Variants in PARP14 observed in about 807,000 individuals in gnomAD.
The protein encoded by PARP14 is poly(ADP-ribose) polymerase family member 14, also known as protein mono-ADP-ribosyltransferase PARP14.
PARP14 carries 59 observed loss-of-function variants against 154.2 expected under a neutral mutation model. That is an observed-to-expected ratio of 0.38 (90% CI 0.31 to 0.48). The LOEUF is 0.48. PARP14 is among the 20% of genes least tolerant of loss of function. The pLI, the probability that PARP14 is intolerant of heterozygous loss-of-function variation, is 0.98. For missense variants in PARP14, 1,734 were observed against 2,131.6 expected, an observed-to-expected ratio of 0.81 and a Z score of 3.67; for synonymous variants, 720 against 780.5, an observed-to-expected ratio of 0.92 and a Z score of 1.29.
chr3:122,713,182 A>G (rs1263115200), intron 9 of PARP14, among the ~76,000 whole-genome samples: 1 of 152,216 alleles, frequency 6.6e-6, no homozygotes, highest in Non-Finnish European at 1.5e-5. Context: ...GAGATAGGCT[A>G]TAGTACGCTA....
intron 15 of PARP14, chr3:122,720,836 G>C (rs1933149098): frequency 2.2e-6 from 1 of 456,822 alleles, no homozygotes; most frequent in Non-Finnish European, 4.4e-6. Flanking sequence ...AGGTGAATGT[G>C]ATGATTCGTG....
chr3:122,706,222 A>G (rs1318999657), intron 8 of PARP14, among the ~76,000 whole-genome samples: 1 of 152,174 alleles, frequency 6.6e-6, no homozygotes, highest in Non-Finnish European at 1.5e-5. Flanking sequence ...GTCTATACAG[A>G]TGCCTTTAGT....
chr3:122,695,300 G>A (rs1938736805), intron 4 of PARP14, 126 bp from the exon 5 acceptor site: 1 of 602,214 alleles, frequency 1.7e-6, no homozygotes, highest in Non-Finnish European at 2.9e-6. Context: ...TTAAAATCTT[G>A]TGTCTAAAAA....
intron 10 of PARP14, 111 bp from the exon 11 acceptor site, chr3:122,713,761 A>G (rs1465372923): frequency 1.1e-6 from 1 of 905,152 alleles, no homozygotes; most frequent in Non-Finnish European, 1.8e-6. Context: ...GCAATACCCA[A>G]TTAGAGGATT....
chr3:122,714,792 T>G (rs1290607672), intron 12 of PARP14, among the ~76,000 whole-genome samples: 1 of 152,174 alleles, frequency 6.6e-6, no homozygotes, highest in Non-Finnish European at 1.5e-5. Context: ...CATTATGCAG[T>G]CCTTAGCTTC....
intron 12 of PARP14, among the ~76,000 whole-genome samples, chr3:122,715,255 T>C (rs1932959891): frequency 6.6e-6 from 1 of 152,210 alleles, no homozygotes; most frequent in African/African-American, 2.4e-5. Flanking sequence ...TCAACGGAGC[T>C]GCCTTGTTCC....
At chr3:122,703,473 T>C (rs1263508402) in intron 6 of PARP14, among the ~76,000 whole-genome samples, 1 of 152,238 alleles carries the variant, frequency 6.6e-6, no homozygotes, top group Non-Finnish European at 1.5e-5. Flanking sequence ...GCCCATGGTA[T>C]CTTCACTAGT....
At chr3:122,721,105 C>T in intron 15 of PARP14, 2 of 336,576 alleles carry the variant, frequency 5.9e-6, no homozygotes, top group South Asian at 4.6e-5. Flanking sequence ...GTTTCTCTTC[C>T]AAACCCCTAA....
Position 122,700,762 on chromosome 3 carries a change from T to C in PARP14, c.2208T>C (p.Asp736=), listed in dbSNP as rs897994767. Residue 736 remains aspartate, a synonymous_variant, in exon 6 of 17, where the codon GAT becomes GAC. Transcript: ENST00000474629. ...KAVDIVKQVW[D]SVCVKSVHTD... is the part of the protein sequence containing the mutation. ...TGGACATTGTCAAGCAAGTCTGGGA[T>C]TCAGTCTGTGTTAAAAGTGTCCATA... The C allele has an allele frequency of 2.5e-6, 4 of 1,613,590 alleles. No individual in the cohort carries two copies. In the South Asian group the frequency reaches 4.4e-5, roughly 18 times the overall value.
intron 4 of PARP14, among the ~76,000 whole-genome samples, chr3:122,693,972 A>G (rs1406968561): frequency 6.6e-6 from 1 of 152,226 alleles, no homozygotes; most frequent in East Asian, 1.9e-4. Context: ...CAAAGGAAAA[A>G]CTAAATGGAC....
intron 12 of PARP14, among the ~76,000 whole-genome samples, chr3:122,716,155 GCCT>G: frequency 6.6e-6 from 1 of 152,156 alleles, no homozygotes; most frequent in East Asian, 1.9e-4. Flanking sequence ...AGTTAAAGGA[GCCT>G]CCTCTCTGTT....
At position 122,727,996 on chromosome 3, in the gene PARP14, C is replaced by T. The variant is rs200554526; in HGVS notation, c.5116+10C>T. ...TATGCCGGAAAGAATGGTAAGGAAG[C>T]GAGTAATCTGGCTGCTTGGAATGAG... On this transcript the variant is annotated intron_variant, in intron 16 of 16. Coordinates refer to ENST00000474629, the MANE Select transcript of PARP14 (RefSeq NM_017554.3). 4.5e-4 allele frequency: 724 copies of T among 1,602,616 alleles called. 2 individuals carry two copies. Among genetic ancestry groups the T allele is most frequent in the Middle Eastern group, 1.0e-3 (6 of 6,002 alleles).
intron 15 of PARP14, chr3:122,721,131 C>T (rs991576496): frequency 7.0e-5 from 23 of 328,152 alleles, no homozygotes; most frequent in East Asian, 1.8e-4. Context: ...GCTTTATTCA[C>T]GCCATTTATG....
chr3:122,694,973 G>A (rs1938725387), intron 4 of PARP14, among the ~76,000 whole-genome samples: 1 of 152,174 alleles, frequency 6.6e-6, no homozygotes. Context: ...ACTAGTTTTT[G>A]TGGCAACACG....
intron 15 of PARP14, among the ~76,000 whole-genome samples, chr3:122,726,971 A>T (rs1933303274): frequency 6.6e-6 from 1 of 150,492 alleles, no homozygotes; most frequent in African/African-American, 2.4e-5. Flanking sequence ...ATTGTATCTT[A>T]ATTAAAAAGA....
rs760597067 is a variant in PARP14, at chr3:122,701,400, A to G, written c.2846A>G (p.Lys949Arg). ...SAIKENFQFKKDGHCLKEIYL... is the reference protein window; with the variant it reads ...SAIKENFQFKRDGHCLKEIYL... ...ATCAAGGAAAACTTCCAATTCAAGAAGGATGGACACTGCTTGAAAGAAATC... is the reference window on the plus strand; with the variant it reads ...ATCAAGGAAAACTTCCAATTCAAGAGGGATGGACACTGCTTGAAAGAAATC... Residue 949 changes from lysine (K) to arginine (R), a missense_variant, in exon 6 of 17, where the codon AAG becomes AGG. Coordinates refer to ENST00000474629, the MANE Select transcript of PARP14 (RefSeq NM_017554.3). The surrounding 1 kb of genome is among the most constrained non-coding windows in gnomAD (Gnocchi z 4.0). 1 of 1,614,046 alleles carries G rather than the reference A, an allele frequency of 6.2e-7. No homozygotes were observed. Among genetic ancestry groups the G allele is most frequent in the Non-Finnish European group, 8.5e-7 (1 of 1,179,880 alleles).
At chr3:122,691,683 G>T (rs1001939063) in intron 3 of PARP14, among the ~76,000 whole-genome samples, 6 of 152,118 alleles carry the variant, frequency 3.9e-5, no homozygotes, top group African/African-American at 7.2e-5. Context: ...CCATATGCTA[G>T]CAATACAAGG....
intron 4 of PARP14, among the ~76,000 whole-genome samples, chr3:122,693,104 G>T (rs1256198): frequency 0.38 from 56,991 of 151,862 alleles, 13,404 homozygotes; most frequent in African/African-American, 0.65. Flanking sequence ...AGGTGCGAAT[G>T]CATGGATGAA....
rs79991754 is a variant in PARP14 at position 122,702,092 on chromosome 3, G to T, written c.3081+457G>T. On this transcript the variant is annotated intron_variant, in intron 6 of 16. Transcript: ENST00000474629. The stretch of plus-strand genomic sequence containing the variant: ...GGCCAGAGTCTAAGGGGCCATCAGC[G>T]CCCAACACCAGTGAGGAAGTGAAAA... Among the ~76,000 whole-genome samples, 7 of 152,280 alleles carry T rather than the reference G, an allele frequency of 4.6e-5. No homozygotes were observed. The East Asian group carries it at 1.4e-3, about 29-fold the overall frequency.
Sources: allele counts gnomAD v4.1 joint callset (sites outside exome capture counted in the v4.1 genomes callset), GRCh38; gene constraint gnomAD v4.1.1; non-coding constraint Gnocchi (gnomAD v3.1); transcripts MANE v1.5; gene names NCBI Gene and HGNC (gene_info 2026-07-23, HGNC 2026-07-21).